The following SORCS2 variants were observed in gnomAD, a reference collection of about 807,000 sequenced individuals.
The protein encoded by SORCS2 is sortilin related VPS10 domain containing receptor 2.
In SORCS2, 100 loss-of-function variants were observed where a neutral mutation model predicts 141.6. The observed-to-expected ratio is 0.71, with a 90% CI of 0.60 to 0.83. SORCS2 has a LOEUF of 0.83. SORCS2 is among the 40% of genes least tolerant of loss of function. The pLI, the probability that SORCS2 is intolerant of heterozygous loss-of-function variation, is 0.00. For missense variants in SORCS2, 1,646 were observed against 1,560.2 expected, an observed-to-expected ratio of 1.05 and a Z score of -0.93; for synonymous variants, 789 against 676.9, an observed-to-expected ratio of 1.17 and a Z score of -2.57.
intron 3 of SORCS2, among the ~76,000 whole-genome samples, chr4:7,533,483 G>T (rs1340947930): frequency 3.3e-5 from 5 of 152,148 alleles, no homozygotes. Flanking sequence ...CCATCCAGCC[G>T]ATCTGGTCCT....
intron 18 of SORCS2, 35 bp from the exon 19 acceptor site, chr4:7,723,662 C>A (rs745468517): frequency 2.5e-6 from 4 of 1,610,442 alleles, no homozygotes; most frequent in Non-Finnish European, 3.4e-6. Context: ...GCTTCAAGGC[C>A]CACTCCTGAG....
intron 2 of SORCS2, among the ~76,000 whole-genome samples, chr4:7,489,585 G>T (rs376837973): frequency 6.6e-6 from 1 of 151,982 alleles, no homozygotes; most frequent in Non-Finnish European, 1.5e-5. Context: ...TATTTTAAAT[G>T]GTCCCAGACA....
At chr4:7,291,531 G>A (rs1716603392) in intron 1 of SORCS2, among the ~76,000 whole-genome samples, 1 of 152,190 alleles carries the variant, frequency 6.6e-6, no homozygotes, top group Non-Finnish European at 1.5e-5. Context: ...TGGCGTTTTG[G>A]GCCCCGGGCT....
intron 2 of SORCS2, among the ~76,000 whole-genome samples, chr4:7,404,876 A>T (rs1003885727): frequency 6.6e-6 from 1 of 152,012 alleles, no homozygotes; most frequent in Non-Finnish European, 1.5e-5. Flanking sequence ...CTGTTTGCCT[A>T]TTTTTGTTTT....
intron 6 of SORCS2, 77 bp downstream of exon 6, chr4:7,661,641 C>A: frequency 1.5e-6 from 2 of 1,370,266 alleles, no homozygotes; most frequent in Admixed American, 2.0e-5. Flanking sequence ...CACGTGTGTT[C>A]AGTCGCTTGT....
intron 3 of SORCS2, among the ~76,000 whole-genome samples, chr4:7,632,495 T>C (rs969818522): frequency 6.6e-6 from 1 of 152,210 alleles, no homozygotes; most frequent in African/African-American, 2.4e-5. Context: ...CTCCCCCGTC[T>C]TTCCTGGCTC....
intron 1 of SORCS2, among the ~76,000 whole-genome samples, chr4:7,227,012 C>G (rs751419704): frequency 6.6e-6 from 1 of 152,228 alleles, no homozygotes; most frequent in Non-Finnish European, 1.5e-5. Flanking sequence ...GACCAGCACC[C>G]CTCACATTTC....
At chr4:7,603,163 G>A (rs998499520) in intron 3 of SORCS2, among the ~76,000 whole-genome samples, 1 of 151,554 alleles carries the variant, frequency 6.6e-6, no homozygotes, top group African/African-American at 2.4e-5. Context: ...GAGAGGGAGA[G>A]GGAGACCATG....
intron 3 of SORCS2, among the ~76,000 whole-genome samples, chr4:7,562,661 G>T (rs542539542): frequency 2.6e-5 from 4 of 152,318 alleles, no homozygotes; most frequent in African/African-American, 9.6e-5. Context: ...ATGGCTTAAA[G>T]TAACAGAAAC....
At chr4:7,413,033 C>T (rs1237263837) in intron 2 of SORCS2, among the ~76,000 whole-genome samples, 1 of 152,126 alleles carries the variant, frequency 6.6e-6, no homozygotes, top group East Asian at 1.9e-4. Flanking sequence ...TGTTAACCGC[C>T]TCCCATTTCC....
intron 10 of SORCS2, among the ~76,000 whole-genome samples, chr4:7,684,543 C>T (rs1245841451): frequency 6.6e-6 from 1 of 152,228 alleles, no homozygotes; most frequent in Admixed American, 6.5e-5. Context: ...GTCTGTTTCC[C>T]ACTGTCACCC....
chr4:7,388,531 C>T (rs1723634951), intron 1 of SORCS2, among the ~76,000 whole-genome samples: 1 of 152,136 alleles, frequency 6.6e-6, no homozygotes, highest in Non-Finnish European at 1.5e-5. Context: ...ATCTCCCAGT[C>T]TCCCTCCTGT....
chr4:7,689,658 T>G, intron 11 of SORCS2, 70 bp downstream of exon 11: 1 of 1,398,292 alleles, frequency 7.2e-7, no homozygotes, highest in South Asian at 1.3e-5. Context: ...ATCTTAAGGG[T>G]AAAAAGGGAT....
chr4:7,512,642 A>G (rs1732735961), intron 2 of SORCS2, among the ~76,000 whole-genome samples: 1 of 152,002 alleles, frequency 6.6e-6, no homozygotes, highest in Admixed American at 6.5e-5. Flanking sequence ...AGGACAGCAG[A>G]GAAGGCCTGC....
At chr4:7,402,714 C>T (rs890181596) in intron 2 of SORCS2, among the ~76,000 whole-genome samples, 21 of 152,272 alleles carry the variant, frequency 1.4e-4, no homozygotes, top group African/African-American at 4.6e-4. Flanking sequence ...TGACTCACTG[C>T]TCCACACCTT....
intron 14 of SORCS2, among the ~76,000 whole-genome samples, chr4:7,710,205 G>A (rs1357263427): frequency 1.3e-5 from 2 of 152,170 alleles, no homozygotes; most frequent in African/African-American, 2.4e-5. Context: ...TACCCGCCAT[G>A]TTTCTGCGCA....
intron 5 of SORCS2, among the ~76,000 whole-genome samples, chr4:7,656,302 C>A (rs894872711): frequency 1.3e-5 from 2 of 151,798 alleles, no homozygotes; most frequent in Non-Finnish European, 2.9e-5. Context: ...GGGTACCCGC[C>A]CCCCACCCTG....
At chr4:7,640,228 G>C (rs1051306051) in intron 4 of SORCS2, among the ~76,000 whole-genome samples, 2 of 57,826 alleles carry the variant, frequency 3.5e-5, no homozygotes, top group Non-Finnish European at 7.8e-5. Context: ...GTGTATGAGC[G>C]TGTGTGTGTG....
chr4:7,723,688 T>G lies in SORCS2; in HGVS notation c.2425-9T>G. 6.2e-7 allele frequency: 1 copy of G among 1,613,758 alleles called. No homozygotes were observed. The highest frequency in any genetic ancestry group is 8.5e-7 in the Non-Finnish European group (1 of 1,179,800). On this transcript the variant is annotated splice_polypyrimidine_tract_variant and intron_variant, in intron 18 of 26. Coordinates refer to ENST00000507866, the MANE Select transcript of SORCS2 (RefSeq NM_020777.3). ...CACTCCTGAGTGGCCACATGGTGTTTCTCTGCAGGGTGATGTCCTGACTAC... is the reference window on the plus strand; with the variant it reads ...CACTCCTGAGTGGCCACATGGTGTTGCTCTGCAGGGTGATGTCCTGACTAC...
Sources: gnomAD v4.1 joint callset for allele counts (sites outside exome capture counted in the v4.1 genomes callset) on GRCh38, gnomAD v4.1.1 for gene constraint, MANE v1.5 for transcripts, NCBI Gene and HGNC (gene_info 2026-07-23, HGNC 2026-07-21) for gene names.